Variants in ADAM29 observed in about 807,000 individuals in gnomAD.
ADAM29 encodes ADAM metallopeptidase domain 29, also known as disintegrin and metalloproteinase domain-containing protein 29.
For synonymous variants in ADAM29, 367 were observed against 342.3 expected (o/e 1.07, Z -0.80); for missense variants, 969 against 1,001.8 (o/e 0.97, Z 0.44).
chr4:174,924,653 T>A (rs1015871961), intron 2 of ADAM29, among the ~76,000 whole-genome samples: 1 of 151,994 alleles, frequency 6.6e-6, no homozygotes, highest in African/African-American at 2.4e-5. Context: ...CATTAAGCAA[T>A]GAAAAGACAT....
intron 4 of ADAM29, among the ~76,000 whole-genome samples, chr4:174,972,470 A>G (rs1746529665): frequency 6.6e-6 from 1 of 152,042 alleles, no homozygotes; most frequent in South Asian, 2.1e-4. Context: ...CCAAACTACC[A>G]TTTCTATTAA....
rs765280670 is a variant in ADAM29, at chr4:174,977,557, T to C, written c.2032T>C (p.Tyr678His). Reference protein sequence around the residue: ...PKRKKKKKFCYLCILLLIVLF... With the variant: ...PKRKKKKKFCHLCILLLIVLF... The stretch of plus-strand genomic sequence containing the variant: ...GAGAAAGAAGAAAAAGAAGTTCTGT[T>C]ATCTGTGTATATTGTTGCTTATTGT... The change falls in exon 5 of 5, where the codon TAT (tyrosine) becomes CAT (histidine). Residue 678 changes from tyrosine to histidine, a missense_variant. Coordinates refer to ENST00000359240, the MANE Select transcript of ADAM29 (RefSeq NM_014269.4). 41 of 1,614,016 alleles carry C rather than the reference T, an allele frequency of 2.5e-5. No homozygotes were observed. The highest frequency in any genetic ancestry group is 3.4e-5 in the Non-Finnish European group (40 of 1,180,004).
chr4:174,970,930 T>C (rs920122407), intron 4 of ADAM29, among the ~76,000 whole-genome samples: 1 of 152,116 alleles, frequency 6.6e-6, no homozygotes, highest in Non-Finnish European at 1.5e-5. Context: ...TAATAGTCTA[T>C]TTTAAGCTGA....
At chr4:174,954,324 T>G (rs1745366866) in intron 4 of ADAM29, among the ~76,000 whole-genome samples, 1 of 152,200 alleles carries the variant, frequency 6.6e-6, no homozygotes, top group Non-Finnish European at 1.5e-5. Flanking sequence ...AAATAATTTT[T>G]ATCTTCAAAC....
intron 4 of ADAM29, among the ~76,000 whole-genome samples, chr4:174,955,901 C>T (rs35186514): frequency 0.26 from 38,810 of 151,830 alleles, 6,116 homozygotes; most frequent in East Asian, 0.4. Flanking sequence ...CTTCAATTTT[C>T]AAATCTGCAA....
chr4:174,940,976 T>TTATGATTAAGTTTC (rs746627381), intron 4 of ADAM29, among the ~76,000 whole-genome samples: 26 of 152,296 alleles, frequency 1.7e-4, no homozygotes, highest in Non-Finnish European at 3.5e-4. Context: ...CATTAAGTTT[T>TTATGATTAAGTTTC]TATGATTAAG....
intron 2 of ADAM29, among the ~76,000 whole-genome samples, chr4:174,927,788 G>A (rs1405992897): frequency 1.3e-5 from 2 of 152,106 alleles, no homozygotes; most frequent in African/African-American, 4.8e-5. Flanking sequence ...CCTGGATGTG[G>A]GAGTGGGGTT....
chr4:174,971,904 A>C (rs1001565316), intron 4 of ADAM29, among the ~76,000 whole-genome samples: 3 of 151,954 alleles, frequency 2.0e-5, no homozygotes, highest in African/African-American at 7.3e-5. Flanking sequence ...TTTTTACTCT[A>C]CTGACTGAAT....
At chr4:174,958,839 A>T (rs1463534259) in intron 4 of ADAM29, among the ~76,000 whole-genome samples, 2 of 151,846 alleles carry the variant, frequency 1.3e-5, no homozygotes, top group Non-Finnish European at 1.5e-5. Flanking sequence ...TGTTAAATAA[A>T]GTTAGTTCAG....
At chr4:174,967,842 T>C (rs758220702) in intron 4 of ADAM29, among the ~76,000 whole-genome samples, 1 of 152,188 alleles carries the variant, frequency 6.6e-6, no homozygotes, top group Non-Finnish European at 1.5e-5. Context: ...CACAAACTGA[T>C]ATGCTTTCTC....
At chr4:174,967,606 G>T (rs1263387602) in intron 4 of ADAM29, among the ~76,000 whole-genome samples, 1 of 152,152 alleles carries the variant, frequency 6.6e-6, no homozygotes, top group East Asian at 1.9e-4. Context: ...ACTGCACATA[G>T]CAAGAAATGG....
At chr4:174,953,369 T>A (rs895009355) in intron 4 of ADAM29, among the ~76,000 whole-genome samples, 2 of 152,238 alleles carry the variant, frequency 1.3e-5, no homozygotes, top group African/African-American at 4.8e-5. Flanking sequence ...CAATAAATTA[T>A]TCTTTACTAA....
chr4:174,972,177 G>A (rs1746514475), intron 4 of ADAM29, among the ~76,000 whole-genome samples: 1 of 152,022 alleles, frequency 6.6e-6, no homozygotes. Context: ...TGTTTCATTA[G>A]GGTTGGTTTC....
intron 4 of ADAM29, among the ~76,000 whole-genome samples, chr4:174,974,251 A>G (rs76026672): frequency 0.044 from 6,696 of 152,296 alleles, 296 homozygotes; most frequent in Admixed American, 0.13. Flanking sequence ...ATTTGGCCAG[A>G]AAGTGAAAGC....
At position 174,976,137 on chromosome 4, in the gene ADAM29, C is replaced by T. The variant is rs114696296; in HGVS notation, c.612C>T (p.Val204=). The T allele has an allele frequency of 5.2e-5, 84 of 1,613,304 alleles. No individual in the cohort carries two copies. The African/African-American group carries it at 8.5e-4, about 16-fold the overall frequency. ...WIHFRIVEIV[V]VIDNYLYIRY... ...ATTTTAGGATTGTTGAAATTGTAGT[C>T]GTCATTGATAATTATCTGTACATTC... Residue 204 remains valine (V), a synonymous_variant, in exon 5 of 5, where the codon GTC becomes GTT. Coordinates refer to ENST00000359240, the MANE Select transcript of ADAM29 (RefSeq NM_014269.4).
intron 1 of ADAM29, among the ~76,000 whole-genome samples, chr4:174,920,185 A>T (rs549849106): frequency 1.3e-5 from 2 of 152,184 alleles, no homozygotes; most frequent in South Asian, 2.1e-4. Context: ...TTTTCTACTA[A>T]CCCAATGTCA....
chr4:174,931,295 G>A (rs1175135614), intron 3 of ADAM29, 121 bp downstream of exon 3: 1 of 152,118 alleles, frequency 6.6e-6, no homozygotes, highest in African/African-American at 2.4e-5. Context: ...ATGCCAACAA[G>A]CATGAGAGGT....
Position 174,977,249 on chromosome 4 carries a change from G to A in ADAM29, c.1724G>A (p.Arg575His), listed in dbSNP as rs757536901. ...MSDHTTVHWA[R>H]FNDIMCWSTD... ...GATCATACTACTGTGCATTGGGCTC[G>A]CTTCAATGACATAATGTGCTGGAGT... Residue 575 changes from arginine to histidine, a missense_variant, in exon 5 of 5, where the codon CGC becomes CAC. Physicochemically the swap from Arg to His is conservative, Grantham distance 29. Transcript: ENST00000359240. 15 of 1,613,928 alleles carry A rather than the reference G, an allele frequency of 9.3e-6. No homozygotes were observed. The highest frequency in any genetic ancestry group is 5.0e-5 in the Admixed American group (3 of 60,010).
At position 174,977,189 on chromosome 4, in the gene ADAM29, A is replaced by C; in HGVS notation, c.1664A>C (p.Gln555Pro). 6.2e-7 allele frequency: 1 copy of C among 1,614,130 alleles called. No homozygotes were observed. Among genetic ancestry groups the C allele is most frequent in the Non-Finnish European group, 8.5e-7 (1 of 1,180,042 alleles). Residue 555 changes from glutamine (Q) to proline (P), a missense_variant, in exon 5 of 5, where the codon CAG becomes CCG. Gln to Pro is a moderately conservative substitution (Grantham distance 76). Transcript: ENST00000359240. ...TCAGATGTCCAGTGTGGAAGAATTC[A>C]GTGTGAGAATGTGACAGAAATTCCC... Reference protein sequence around the residue: ...NISDVQCGRIQCENVTEIPNM... With the variant: ...NISDVQCGRIPCENVTEIPNM...
Sources: gnomAD v4.1 joint callset for allele counts (sites outside exome capture counted in the v4.1 genomes callset) on GRCh38, gnomAD v4.1.1 for gene constraint, MANE v1.5 for transcripts, NCBI Gene and HGNC (gene_info 2026-07-23, HGNC 2026-07-21) for gene names.